The following PMM2 variants were observed in gnomAD, a reference collection of about 807,000 sequenced individuals.
PMM2 encodes the protein phosphomannomutase 2.
In PMM2, 35 loss-of-function variants were observed where a neutral mutation model predicts 33.2. The ratio of observed to expected loss-of-function variants is 1.06; its 90% CI spans 0.81 to 1.40. The LOEUF (loss-of-function observed/expected upper bound fraction) is 1.40, where lower values mean the gene tolerates loss of function less well. PMM2 is among the 40% of genes most tolerant of loss of function. The probability of loss-of-function intolerance (pLI) is 0.00; values close to 1 mark genes in which losing one functional copy is unlikely to be tolerated. For synonymous variants in PMM2, 153 were observed against 114.7 expected (o/e 1.33, Z -2.13); for missense variants, 386 against 306.0 (o/e 1.26, Z -1.95).
Position 8,806,408 on chromosome 16 carries a change from G to GT in PMM2, c.347+2dup, listed in dbSNP as rs1429288334. ...CGAAAATTAAACTCCCGAAGAAGAGGTGGGTTTGCTTTTAACAAAGAGGCG... is the reference window on the plus strand; with the variant it reads ...CGAAAATTAAACTCCCGAAGAAGAGGTTGGGTTTGCTTTTAACAAAGAGGCG... On this transcript the variant is annotated splice_donor_variant, in intron 4 of 7. Transcript: ENST00000268261. LOFTEE classifies it high-confidence loss of function. 6.2e-7 allele frequency: 1 copy of GT among 1,606,274 alleles called. No individual in the cohort carries two copies. The highest frequency in any genetic ancestry group is 8.5e-7 in the Non-Finnish European group (1 of 1,172,782).
In PMM2 at chr16:8,799,036, T is replaced by C. The variant is rs547522955; in HGVS notation, c.66+1088T>C. On this transcript the variant is annotated intron_variant, in intron 1 of 7. Transcript: ENST00000268261. The stretch of plus-strand genomic sequence containing the variant: ...CACACTTGGGTTTGTTAAAAGCCCA[T>C]AGTGGTCTAAAACTCCGGTCCCCAA... Among the ~76,000 whole-genome samples, 9 of 152,310 alleles carry C rather than the reference T, an allele frequency of 5.9e-5. No homozygotes were observed. In the East Asian group the frequency reaches 1.3e-3, roughly 23 times the overall value.
At chr16:8,802,300 A>G in intron 2 of PMM2, 1 of 456,000 alleles carries the variant, frequency 2.2e-6, no homozygotes, top group South Asian at 1.5e-5. Context: ...AATCTCCAGC[A>G]CAGGACCCCG....
chr16:8,797,991 C>A, intron 1 of PMM2, 43 bp downstream of exon 1: 2 of 1,557,084 alleles, frequency 1.3e-6, no homozygotes, highest in African/African-American at 2.7e-5. Flanking sequence ...ACGCGGAGCC[C>A]GTGCTGTTCC....
At chr16:8,832,725 G>A in intron 7 of PMM2, 1 of 985,332 alleles carries the variant, frequency 1.0e-6, no homozygotes, top group South Asian at 4.7e-5. Flanking sequence ...CATGGCCCGG[G>A]CTTGCAGGCT....
At chr16:8,799,298 C>T (rs1006530154) in intron 1 of PMM2, among the ~76,000 whole-genome samples, 1 of 152,170 alleles carries the variant, frequency 6.6e-6, no homozygotes. Flanking sequence ...TCACTGAACC[C>T]TCTCAACCTT....
At chr16:8,827,759 T>TATATATATGC (rs1437300855) in intron 7 of PMM2, among the ~76,000 whole-genome samples, 3 of 75,316 alleles carry the variant, frequency 4.0e-5, no homozygotes, top group Non-Finnish European at 7.8e-5. Flanking sequence ...TATATATATA[T>TATATATATGC]ATGCACACAT....
intron 7 of PMM2, among the ~76,000 whole-genome samples, chr16:8,837,038 T>C (rs1383782834): frequency 1.3e-5 from 2 of 151,780 alleles, no homozygotes; most frequent in East Asian, 3.9e-4. Flanking sequence ...TGAGGAAGAA[T>C]TGGAACCTAG....
At chr16:8,809,967 T>A (rs140955935) in intron 4 of PMM2, 2,029 of 152,498 alleles carry the variant, frequency 0.013, 35 homozygotes, top group South Asian at 0.035. Context: ...TGTGCCACCA[T>A]GCCCGGCTAA....
intron 7 of PMM2, among the ~76,000 whole-genome samples, chr16:8,819,348 C>G (rs1292891915): frequency 6.6e-6 from 1 of 152,102 alleles, no homozygotes; most frequent in Non-Finnish European, 1.5e-5. Flanking sequence ...ACATTTTTGT[C>G]TAAAGAGGGC....
chr16:8,812,897 C>T, intron 6 of PMM2, 94 bp from the exon 7 acceptor site: 1 of 799,374 alleles, frequency 1.3e-6, no homozygotes, highest in Non-Finnish European at 2.3e-6. Flanking sequence ...TGGCAACCCA[C>T]TAACTGACAA....
intron 7 of PMM2, among the ~76,000 whole-genome samples, chr16:8,835,805 A>G (rs2060841948): frequency 6.6e-6 from 1 of 151,842 alleles, no homozygotes; most frequent in African/African-American, 2.4e-5. Flanking sequence ...GGTTTTAATG[A>G]GATGGTAAGG....
chr16:8,842,643 C>G (rs2060897782), intron 7 of PMM2, among the ~76,000 whole-genome samples: 1 of 151,990 alleles, frequency 6.6e-6, no homozygotes, highest in Admixed American at 6.5e-5. Flanking sequence ...GGGTTGGGCA[C>G]CACAGGGTGG....
Position 8,806,620 on chromosome 16 carries a change from G to C in PMM2, c.347+213G>C, listed in dbSNP as rs901981367. The stretch of plus-strand genomic sequence containing the variant: ...CATTTTCTCTGGCTGCCCTGGTGCT[G>C]CTGGTTCACAGCAGGGTTCAGTAGC... On this transcript the variant is annotated intron_variant, in intron 4 of 7. Coordinates refer to ENST00000268261, the MANE Select transcript of PMM2 (RefSeq NM_000303.3). The C allele has an allele frequency of 1.0e-5, 6 of 596,246 alleles. No individual in the cohort carries two copies. The African/African-American group carries it at 1.1e-4, about 11-fold the overall frequency. 36.9% of individuals were successfully genotyped at this position (596,246 alleles called of 1,614,324 possible).
At chr16:8,840,913 T>C (rs548235422) in intron 7 of PMM2, among the ~76,000 whole-genome samples, 6 of 152,142 alleles carry the variant, frequency 3.9e-5, no homozygotes, top group Admixed American at 3.9e-4. Flanking sequence ...GCGAATTTCC[T>C]GTCTAGCCTG....
intron 7 of PMM2, among the ~76,000 whole-genome samples, chr16:8,823,699 A>G (rs555980252): frequency 6.7e-6 from 1 of 149,476 alleles, no homozygotes; most frequent in South Asian, 2.1e-4. Context: ...TATACCTGCA[A>G]AGATAAACCT....
At chr16:8,839,094 A>G (rs2060872518) in intron 7 of PMM2, among the ~76,000 whole-genome samples, 1 of 151,854 alleles carries the variant, frequency 6.6e-6, no homozygotes, top group Non-Finnish European at 1.5e-5. Context: ...CAGTACCGAG[A>G]GCAATAGTGG....
intron 7 of PMM2, among the ~76,000 whole-genome samples, chr16:8,834,956 A>G (rs1329548472): frequency 5.9e-5 from 9 of 152,216 alleles, no homozygotes; most frequent in Non-Finnish European, 1.3e-4. Context: ...GGACTTAACA[A>G]AGAGTGAGTA....
At chr16:8,837,688 G>C (rs2060859757) in intron 7 of PMM2, among the ~76,000 whole-genome samples, 1 of 151,906 alleles carries the variant, frequency 6.6e-6, no homozygotes. Flanking sequence ...AAGCAGAGAA[G>C]GGGTAGAGAC....
rs1267524874 is a variant in PMM2, at chr16:8,849,210, C to G, written c.*1385C>G. ...CCCGGATCCGGTGGGGTGAAAGCAG[C>G]CAGCTCATCCCAGTGACTCACAGGA... is the stretch of plus-strand genomic sequence containing the variant. On this transcript the variant is annotated 3_prime_UTR_variant, in exon 8 of 8. Coordinates refer to ENST00000268261, the MANE Select transcript of PMM2 (RefSeq NM_000303.3). 1 of 152,344 alleles carries G rather than the reference C, an allele frequency of 6.6e-6. No homozygotes were observed. Among genetic ancestry groups the G allele is most frequent in the East Asian group, 1.9e-4 (1 of 5,196 alleles). 9.4% of individuals were successfully genotyped at this position (152,344 alleles called of 1,614,324 possible).
Sources: allele counts gnomAD v4.1 joint callset (sites outside exome capture counted in the v4.1 genomes callset), GRCh38; gene constraint gnomAD v4.1.1; transcripts MANE v1.5; gene names NCBI Gene and HGNC (gene_info 2026-07-23, HGNC 2026-07-21).